Variants in POLR1A observed in about 807,000 individuals in gnomAD.
POLR1A encodes DNA-directed RNA polymerase I subunit RPA1.
In POLR1A, 84 loss-of-function variants were observed where a neutral mutation model predicts 205.3. That is an observed-to-expected ratio of 0.41 (90% CI 0.34 to 0.49). The LOEUF is 0.49. Among genes scored for constraint, POLR1A ranks in the 20% least tolerant of loss-of-function variants. POLR1A has a pLI of 0.22. For synonymous variants in POLR1A, 799 were observed against 863.7 expected (o/e 0.93, Z 1.31); for missense variants, 1,645 against 2,204.5 (o/e 0.75, Z 5.08).
chr2:86,039,669 C>T (rs1418540338), intron 25 of POLR1A, among the ~76,000 whole-genome samples: 2 of 152,188 alleles, frequency 1.3e-5, no homozygotes, highest in Admixed American at 6.5e-5. Context: ...CCCTGGAGGG[C>T]CCACTCCTTG....
In POLR1A at chr2:86,070,148, T is replaced by C. The variant is rs2104412833; in HGVS notation, c.1736A>G (p.Tyr579Cys). The change falls in exon 13 of 34, where the codon TAT becomes TGT. Residue 579 changes from tyrosine to cysteine, a missense_variant. Tyr to Cys is a radical substitution (Grantham distance 194, BLOSUM62 -2). Transcript: ENST00000263857. This position sits in a 1 kb window ranked among gnomAD's most constrained non-coding sequence, Gnocchi z 4.4. ...LPEEKVLRLHYANCKAYNADF... is the reference protein window; with the variant it reads ...LPEEKVLRLHCANCKAYNADF... The stretch of plus-strand genomic sequence containing the variant: ...GGCATTATAGGCCTTGCAGTTGGCA[T>C]AGTGGAGCCGCAGCACTTTCTCTTC... 1 of 1,614,194 alleles carries C rather than the reference T, an allele frequency of 6.2e-7. No homozygotes were observed. Among genetic ancestry groups the C allele is most frequent in the Non-Finnish European group, 8.5e-7 (1 of 1,180,026 alleles).
At chr2:86,034,692 A>G (rs1027400393) in intron 27 of POLR1A, among the ~76,000 whole-genome samples, 1 of 152,122 alleles carries the variant, frequency 6.6e-6, no homozygotes, top group Non-Finnish European at 1.5e-5. Flanking sequence ...ACTTTCTCTG[A>G]GCGCCTATAC....
At chr2:86,084,665 C>CTTTTTTTTTTTTTTTT (rs546893329) in intron 6 of POLR1A, among the ~76,000 whole-genome samples, 1 of 127,622 alleles carries the variant, frequency 7.8e-6, no homozygotes, top group Non-Finnish European at 1.7e-5. Flanking sequence ...TTGCCTTTTC[C>CTTTTTTTTTTTTTTTT]TTTTTTTTTT....
intron 14 of POLR1A, among the ~76,000 whole-genome samples, chr2:86,055,686 C>A (rs1250969664): frequency 6.6e-6 from 1 of 152,196 alleles, no homozygotes; most frequent in Non-Finnish European, 1.5e-5. Context: ...TGACCTGCCA[C>A]TTCATCTGTA....
Position 86,020,531 on chromosome 2 carries a change from G to A in POLR1A, c.*6892C>T, listed in dbSNP as rs1167387153. 7.8e-6 allele frequency: 1 copy of A among 128,068 alleles called. No homozygotes were observed. The highest frequency in any genetic ancestry group is 2.3e-4 in the East Asian group (1 of 4,324). The allele number at this position is 128,068 out of a possible 1,614,324, so 7.9% of individuals were successfully genotyped here. A position where few individuals can be genotyped will look rare whatever the true frequency, so the allele number is the denominator to read the frequency against. Reference sequence around the variant, plus strand: ...ACCCTGCACTCCAGCCTGGGCAACAGAGTGAGACCCCGTCTCAAAAAAAAA... The same window carrying A: ...ACCCTGCACTCCAGCCTGGGCAACAAAGTGAGACCCCGTCTCAAAAAAAAA... On this transcript the variant is annotated 3_prime_UTR_variant, in exon 34 of 34. Coordinates refer to ENST00000263857, the MANE Select transcript of POLR1A (RefSeq NM_015425.6).
In POLR1A at chr2:86,070,392, A is replaced by C; in HGVS notation, c.1612-120T>G. The C allele has an allele frequency of 9.3e-7, 1 of 1,072,600 alleles. No individual in the cohort carries two copies. The highest frequency in any genetic ancestry group is 1.3e-6 in the Non-Finnish European group (1 of 747,772). 66.4% of individuals were successfully genotyped at this position (1,072,600 alleles called of 1,614,324 possible). ...TTTTGTCTCACGTTCTAGTTAACTA[A>C]ATGCAAGGGGAATTTTTCATCTGGA... On this transcript the variant is annotated intron_variant, in intron 12 of 33. Transcript: ENST00000263857. This position sits in a 1 kb window ranked among gnomAD's most constrained non-coding sequence, Gnocchi z 4.4.
intron 6 of POLR1A, among the ~76,000 whole-genome samples, chr2:86,086,459 C>T (rs1360632772): frequency 6.6e-6 from 1 of 152,240 alleles, no homozygotes; most frequent in African/African-American, 2.4e-5. Context: ...CACTTTCCTC[C>T]ACATCACCTG....
intron 3 of POLR1A, among the ~76,000 whole-genome samples, chr2:86,097,559 C>T (rs1673728596): frequency 6.6e-6 from 1 of 152,060 alleles, no homozygotes; most frequent in Non-Finnish European, 1.5e-5. Context: ...TACTATTTGG[C>T]CATAATAAAG....
chr2:86,054,867 A>G (rs1672870466), intron 14 of POLR1A, among the ~76,000 whole-genome samples: 1 of 152,234 alleles, frequency 6.6e-6, no homozygotes, highest in African/African-American at 2.4e-5. Context: ...GAAGGGCCGA[A>G]TGCAGGTGCA....
At chr2:86,046,612 G>A (rs1558767547) in intron 19 of POLR1A, among the ~76,000 whole-genome samples, 2 of 152,120 alleles carry the variant, frequency 1.3e-5, no homozygotes, top group Admixed American at 6.5e-5. Flanking sequence ...TTGGGAGGTC[G>A]AGGTGGGCAG....
chr2:86,078,335 GC>G (rs1353420714), intron 9 of POLR1A, 51 bp from the exon 10 acceptor site: 1 of 1,447,734 alleles, frequency 6.9e-7, no homozygotes, highest in Non-Finnish European at 9.4e-7. Context: ...GCTCCAAAAG[GC>G]CTGGCTTGAT....
chr2:86,024,077 G>A lies in POLR1A; in HGVS notation c.*3346C>T, dbSNP rs116583796. ...ATATCTGTATATCCATGTTCACAGC[G>A]TTATTTGCAACAGCCAAGAGGTGGA... On this transcript the variant is annotated 3_prime_UTR_variant, in exon 34 of 34. Coordinates refer to ENST00000263857, the MANE Select transcript of POLR1A (RefSeq NM_015425.6). The A allele has an allele frequency of 0.019, 2,982 of 153,486 alleles. 56 individuals are homozygous for A. The highest frequency in any genetic ancestry group is 0.099 in the East Asian group (519 of 5,256). 9.5% of individuals were successfully genotyped at this position (153,486 alleles called of 1,614,324 possible).
At chr2:86,087,834 T>C (rs1673529075) in intron 6 of POLR1A, among the ~76,000 whole-genome samples, 1 of 152,138 alleles carries the variant, frequency 6.6e-6, no homozygotes, top group South Asian at 2.1e-4. Context: ...TGAGCTACCG[T>C]GCCCAGCCAG....
Position 86,043,075 on chromosome 2 carries a change from T to C in POLR1A, c.3256A>G (p.Arg1086Gly). The change falls in exon 23 of 34, where the codon AGA becomes GGA. Residue 1086 changes from arginine (R) to glycine (G), a missense_variant. Physicochemically the swap from Arg to Gly is moderately radical, Grantham distance 125. Around this residue, in one of 16 missense-constraint regions of POLR1A, gnomAD observed 201 missense variants for 222.3 expected, o/e 0.90. Coordinates refer to ENST00000263857, the MANE Select transcript of POLR1A (RefSeq NM_015425.6). ...TGGGAATAACTCAAGAAGGCGCCTC[T>C]TCTCAGCAGGGTGTTGGGGTGCTTG... is the stretch of plus-strand genomic sequence containing the variant. ...QSKHPNTLLR[R>G]GAFLSYSQKI... The C allele has an allele frequency of 6.2e-7, 1 of 1,614,212 alleles. No homozygotes were observed. Among genetic ancestry groups the C allele is most frequent in the Non-Finnish European group, 8.5e-7 (1 of 1,180,032 alleles).
chr2:86,063,010 T>G (rs555305714), intron 14 of POLR1A, among the ~76,000 whole-genome samples: 1 of 152,298 alleles, frequency 6.6e-6, no homozygotes, highest in East Asian at 1.9e-4. Context: ...AATAGCTCTA[T>G]GTCTACTAAA....
rs377498787 is a variant in POLR1A at position 86,046,175 on chromosome 2, A to G, written c.2734-406T>C. ...CCGGGTGTGGTGGCTCACATCTACAATCTTAGCACTTTGCGGGGCTGAGGC... is the reference window on the plus strand; with the variant it reads ...CCGGGTGTGGTGGCTCACATCTACAGTCTTAGCACTTTGCGGGGCTGAGGC... On this transcript the variant is annotated intron_variant, in intron 19 of 33. Coordinates refer to ENST00000263857, the MANE Select transcript of POLR1A (RefSeq NM_015425.6). Among the ~76,000 whole-genome samples, 58 of 152,282 alleles carry G rather than the reference A, an allele frequency of 3.8e-4. No homozygotes were observed. In the East Asian group the frequency reaches 9.1e-3, roughly 24 times the overall value.
chr2:86,041,249 G>C (rs1472181290), intron 24 of POLR1A, among the ~76,000 whole-genome samples: 2 of 116,640 alleles, frequency 1.7e-5, no homozygotes, highest in African/African-American at 8.6e-5. Flanking sequence ...CAGTGTCTGT[G>C]TGTGTGTGTG....
Position 86,028,305 on chromosome 2 carries a change from T to C in POLR1A, c.4898-256A>G, listed in dbSNP as rs1036224970. Reference sequence around the variant, plus strand: ...AGGATCTAACCGCACTGTTTTCACTTGGGAACTGAAACCCCAAAGGCAGGA... The same window carrying C: ...AGGATCTAACCGCACTGTTTTCACTCGGGAACTGAAACCCCAAAGGCAGGA... On this transcript the variant is annotated intron_variant, in intron 32 of 33. Coordinates refer to ENST00000263857, the MANE Select transcript of POLR1A (RefSeq NM_015425.6). This position sits in a 1 kb window ranked among gnomAD's most constrained non-coding sequence, Gnocchi z 4.5. Among the ~76,000 whole-genome samples the C allele has an allele frequency of 2.0e-5, 3 of 152,202 alleles. No homozygotes were observed. Among genetic ancestry groups the C allele is most frequent in the African/African-American group, 7.2e-5 (3 of 41,444 alleles).
chr2:86,076,236 A>G (rs1304467227), intron 11 of POLR1A, among the ~76,000 whole-genome samples: 2 of 152,206 alleles, frequency 1.3e-5, no homozygotes, highest in Non-Finnish European at 2.9e-5. Context: ...GATGTCCTAC[A>G]TAAAGGAACT....
Sources: allele counts gnomAD v4.1 joint callset (sites outside exome capture counted in the v4.1 genomes callset), GRCh38; gene constraint gnomAD v4.1.1; regional missense constraint gnomAD v4.1.1; non-coding constraint Gnocchi (gnomAD v3.1); transcripts MANE v1.5; gene names NCBI Gene and HGNC (gene_info 2026-07-23, HGNC 2026-07-21).